The following USP7 variants were observed in gnomAD, a reference collection of about 807,000 sequenced individuals.
USP7 encodes ubiquitin specific peptidase 7, also known as ubiquitin C-terminal hydrolase 7.
USP7 carries 9 observed loss-of-function variants against 162.9 expected under a neutral mutation model. The ratio of observed to expected loss-of-function variants is 0.06; its 90% CI spans 0.03 to 0.10. USP7 has a LOEUF of 0.10. Ranked by LOEUF, USP7 falls within the 10% of genes least tolerant of loss-of-function variation. USP7 has a pLI of 1.00. For synonymous variants in USP7, 562 were observed against 475.9 expected, an observed-to-expected ratio of 1.18 and a Z score of -2.35; for missense variants, 715 against 1,373.7, an observed-to-expected ratio of 0.52 and a Z score of 7.58.
intron 1 of USP7, among the ~76,000 whole-genome samples, chr16:8,947,356 AAC>A (rs145949182): frequency 3.4e-5 from 5 of 149,206 alleles, no homozygotes; most frequent in Admixed American, 6.8e-5. Context: ...TCCCCCCCCC[AAC>A]ACACACACAC....
At chr16:8,929,519 T>G (rs1431892015) in intron 2 of USP7, 1 of 456,002 alleles carries the variant, frequency 2.2e-6, no homozygotes. Context: ...GACTGATGGT[T>G]TCTTTCAACT....
chr16:8,899,834 T>A (rs1400017181), intron 21 of USP7, 77 bp from the exon 22 acceptor site: 3 of 1,512,350 alleles, frequency 2.0e-6, no homozygotes, highest in Non-Finnish European at 2.8e-6. Flanking sequence ...CATCATCTTT[T>A]ACACAACAGT....
chr16:8,962,399 C>CT (rs1457277807), intron 1 of USP7: 1 of 324,788 alleles, frequency 3.1e-6, no homozygotes, highest in Non-Finnish European at 6.7e-6. Flanking sequence ...CACATCCAAC[C>CT]TTTACAACCA....
At chr16:8,902,568 TAC>T in intron 16 of USP7, 86 bp from the exon 17 acceptor site, 1 of 1,022,382 alleles carries the variant, frequency 9.8e-7, no homozygotes, top group Non-Finnish European at 1.4e-6. Flanking sequence ...TATATACATA[TAC>T]ATATATATAT....
chr16:8,934,853 G>C (rs1898596671), intron 1 of USP7, among the ~76,000 whole-genome samples: 2 of 152,208 alleles, frequency 1.3e-5, no homozygotes, highest in Admixed American at 6.5e-5. Flanking sequence ...GGTGATTCCA[G>C]CCCAGCTCCC....
intron 16 of USP7, 29 bp from the exon 17 acceptor site, chr16:8,902,511 A>C (rs761106835): frequency 2.5e-6 from 4 of 1,597,072 alleles, no homozygotes; most frequent in Non-Finnish European, 3.4e-6. Flanking sequence ...GTAGATTAAA[A>C]TAAAAACACG....
intron 10 of USP7, among the ~76,000 whole-genome samples, chr16:8,914,678 G>A (rs1486788712): frequency 6.6e-6 from 1 of 152,176 alleles, no homozygotes; most frequent in East Asian, 1.9e-4. Flanking sequence ...AGTGCTTTGG[G>A]AGCCCAAGGC....
chr16:8,906,392 G>A (rs759988536), intron 13 of USP7, 34 bp downstream of exon 13: 9 of 1,596,458 alleles, frequency 5.6e-6, no homozygotes, highest in Middle Eastern at 2.3e-4. Context: ...ACTTTCTGAT[G>A]AGCTTGCATT....
In USP7 at chr16:8,892,868, A is replaced by C. The variant is rs2061620175; in HGVS notation, c.*1130T>G. On this transcript the variant is annotated 3_prime_UTR_variant, in exon 31 of 31. Coordinates refer to ENST00000344836, the MANE Select transcript of USP7 (RefSeq NM_003470.3). The stretch of plus-strand genomic sequence containing the variant: ...TGGTGTACACTGCTCCCACAGAAAC[A>C]ACCCAAAAAATACCGGAAAAGGATG... 1 of 152,268 alleles carries C rather than the reference A, an allele frequency of 6.6e-6. No individual in the cohort carries two copies. The highest frequency in any genetic ancestry group is 2.4e-5 in the African/African-American group (1 of 41,470). 9.4% of individuals were successfully genotyped at this position (152,268 alleles called of 1,614,324 possible).
Position 8,899,724 on chromosome 16 carries a change from G to T in USP7, c.2343C>A (p.Pro781=). The T allele has an allele frequency of 6.2e-7, 1 of 1,613,714 alleles. No individual in the cohort carries two copies. The highest frequency in any genetic ancestry group is 8.5e-7 in the Non-Finnish European group (1 of 1,179,918). Residue 781 remains proline (P), a synonymous_variant, in exon 22 of 31, where the codon CCC becomes CCA. Transcript: ENST00000344836. ...GATCTCGGAAATACTCCTTTGCGGT[G>T]GGTAATTCACTGTTATCATTTTCAG... ...DDPENDNSEL[P]TAKEYFRDLY... is the part of the protein sequence containing the mutation.
chr16:8,911,580 A>G (rs1403161594), intron 10 of USP7, among the ~76,000 whole-genome samples: 1 of 152,190 alleles, frequency 6.6e-6, no homozygotes, highest in Non-Finnish European at 1.5e-5. Context: ...CAGGACAGGG[A>G]TCCCTGAAGG....
intron 10 of USP7, 37 bp from the exon 11 acceptor site, chr16:8,910,864 C>T: frequency 6.4e-7 from 1 of 1,556,702 alleles, no homozygotes; most frequent in Non-Finnish European, 8.8e-7. Flanking sequence ...AGTGCTAAAG[C>T]TTCATTTATA....
intron 1 of USP7, chr16:8,949,560 AT>A (rs1432336977): frequency 6.6e-6 from 1 of 152,192 alleles, no homozygotes; most frequent in East Asian, 1.9e-4. Flanking sequence ...TTACCTCCAA[AT>A]CCCCGAGCTC....
chr16:8,962,723 G>T (rs1268834642), intron 1 of USP7: 2 of 169,806 alleles, frequency 1.2e-5, no homozygotes, highest in East Asian at 1.7e-4. Flanking sequence ...AGTGCTGTTA[G>T]AAAGTGATTT....
At chr16:8,953,384 C>G (rs906050987) in intron 1 of USP7, among the ~76,000 whole-genome samples, 1 of 152,168 alleles carries the variant, frequency 6.6e-6, no homozygotes, top group Non-Finnish European at 1.5e-5. Flanking sequence ...AAAGCCTACA[C>G]CAGCCTCTGT....
chr16:8,925,695 T>G (rs891683865), intron 2 of USP7, among the ~76,000 whole-genome samples: 1 of 152,188 alleles, frequency 6.6e-6, no homozygotes, highest in East Asian at 1.9e-4. Flanking sequence ...ACACAGTGGT[T>G]AGTTCACAAT....
intron 1 of USP7, among the ~76,000 whole-genome samples, chr16:8,952,816 C>A (rs1232488283): frequency 1.3e-5 from 2 of 151,926 alleles, no homozygotes; most frequent in Non-Finnish European, 2.9e-5. Flanking sequence ...TATTCCACCC[C>A]TCCCGCCTGT....
intron 1 of USP7, among the ~76,000 whole-genome samples, chr16:8,959,113 A>G (rs1899911456): frequency 6.6e-6 from 1 of 152,092 alleles, no homozygotes; most frequent in Non-Finnish European, 1.5e-5. Context: ...GGCACTTTAG[A>G]TGTGCCTGGC....
chr16:8,931,052 A>G (rs1898301865), intron 1 of USP7, among the ~76,000 whole-genome samples: 1 of 152,290 alleles, frequency 6.6e-6, no homozygotes, highest in East Asian at 1.9e-4. Context: ...CTAATCATGC[A>G]AAGTCATTAT....
Sources: gnomAD v4.1 joint callset for allele counts (sites outside exome capture counted in the v4.1 genomes callset) on GRCh38, gnomAD v4.1.1 for gene constraint, MANE v1.5 for transcripts, NCBI Gene and HGNC (gene_info 2026-07-23, HGNC 2026-07-21) for gene names.